C15orf62: variants seen among roughly 807,000 people sequenced by gnomAD.
The protein encoded by C15orf62 is uncharacterized protein C15orf62, mitochondrial.
Under a neutral mutation model 13.2 loss-of-function variants are expected in C15orf62, and 11 were observed. The ratio of observed to expected loss-of-function variants is 0.83; its 90% CI spans 0.52 to 1.38. The LOEUF is 1.38. Among genes scored for constraint, C15orf62 ranks in the 40% most tolerant of loss-of-function variants. The pLI, the probability that C15orf62 is intolerant of heterozygous loss-of-function variation, is 0.00. For missense variants in C15orf62, 204 were observed against 229.1 expected (o/e 0.89, Z 0.71); for synonymous variants, 88 against 95.6 (o/e 0.92, Z 0.46).
At position 40,772,416 on chromosome 15, in the gene C15orf62, G is replaced by A. The variant is rs1482808672; in HGVS notation, c.*1393G>A. 4 of 167,164 alleles carry A rather than the reference G, an allele frequency of 2.4e-5. No homozygotes were observed. The highest frequency in any genetic ancestry group is 2.9e-5 in the Non-Finnish European group (2 of 68,146). The allele number at this position is 167,164 out of a possible 1,614,324, so 10.4% of individuals were successfully genotyped here. A position where few individuals can be genotyped will look rare whatever the true frequency, so the allele number is the denominator to read the frequency against. Reference sequence around the variant, plus strand: ...TCTTGTGTATAGGTACCGAGCTGTGGATACAGGAGAGAATGAATAAAATTC... The same window carrying A: ...TCTTGTGTATAGGTACCGAGCTGTGAATACAGGAGAGAATGAATAAAATTC... On this transcript the variant is annotated 3_prime_UTR_variant, in exon 1 of 1. Coordinates refer to ENST00000344320, the MANE Select transcript of C15orf62 (RefSeq NM_001130448.3).
In C15orf62 at chr15:40,771,119, G is replaced by A; in HGVS notation, c.*96G>A. On this transcript the variant is annotated 3_prime_UTR_variant, in exon 1 of 1. Transcript: ENST00000344320. ...ACAGGACTCCAGGCCCATCGCTGGA[G>A]GGTTCAGGCAGGCAGAGCTTCTTCA... is the stretch of plus-strand genomic sequence containing the variant. The A allele has an allele frequency of 2.5e-6, 3 of 1,190,568 alleles. No individual in the cohort carries two copies. Among genetic ancestry groups the A allele is most frequent in the Non-Finnish European group, 1.2e-6 (1 of 849,828 alleles). 73.8% of individuals were successfully genotyped at this position (1,190,568 alleles called of 1,614,324 possible). A position where few individuals can be genotyped will look rare whatever the true frequency, so the allele number is the denominator to read the frequency against.
rs1040790429 is a variant in C15orf62, at chr15:40,772,087, G to C, written c.*1064G>C. Reference sequence around the variant, plus strand: ...GAGAGGAGAACTGGATCCAGGGATGGGCATTCAACAGCGAAGCGGCACAGC... The same window carrying C: ...GAGAGGAGAACTGGATCCAGGGATGCGCATTCAACAGCGAAGCGGCACAGC... On this transcript the variant is annotated 3_prime_UTR_variant, in exon 1 of 1. Transcript: ENST00000344320. 1 of 167,040 alleles carries C rather than the reference G, an allele frequency of 6.0e-6. No homozygotes were observed. The highest frequency in any genetic ancestry group is 6.5e-5 in the Admixed American group (1 of 15,284). 10.3% of individuals were successfully genotyped at this position (167,040 alleles called of 1,614,324 possible).
In C15orf62 at chr15:40,770,633, C is replaced by T; in HGVS notation, c.138C>T (p.Tyr46=). ...ASTAGGDHEE[Y]SNREVIRELQ... The stretch of plus-strand genomic sequence containing the variant: ...CAGCAGGTGGGGACCACGAGGAGTA[C>T]AGCAACCGAGAAGTCATCCGGGAGC... The change falls in exon 1 of 1, where the codon TAC becomes TAT. Residue 46 remains tyrosine, a synonymous_variant. Coordinates refer to ENST00000344320, the MANE Select transcript of C15orf62 (RefSeq NM_001130448.3). The surrounding 1 kb of genome is among the most constrained non-coding windows in gnomAD (Gnocchi z 5.0). 1.9e-6 allele frequency: 3 copies of T among 1,550,466 alleles called. No individual in the cohort carries two copies. Among genetic ancestry groups the T allele is most frequent in the Non-Finnish European group, 2.6e-6 (3 of 1,146,974 alleles).
At position 40,772,034 on chromosome 15, in the gene C15orf62, G is replaced by T. The variant is rs1036568637; in HGVS notation, c.*1011G>T. 1 of 167,058 alleles carries T rather than the reference G, an allele frequency of 6.0e-6. No homozygotes were observed. The highest frequency in any genetic ancestry group is 1.5e-5 in the Non-Finnish European group (1 of 68,128). 10.3% of individuals were successfully genotyped at this position (167,058 alleles called of 1,614,324 possible). On this transcript the variant is annotated 3_prime_UTR_variant, in exon 1 of 1. Coordinates refer to ENST00000344320, the MANE Select transcript of C15orf62 (RefSeq NM_001130448.3). ...GGAATTCCCAGAATTACTAGTGATG[G>T]GAGCCCTGGCAGGTTTCCTTCCTCG...
At position 40,770,504 on chromosome 15, in the gene C15orf62, C is replaced by G; in HGVS notation, c.9C>G (p.Thr3=). The G allele has an allele frequency of 2.6e-6, 4 of 1,549,396 alleles. No individual in the cohort carries two copies. Among genetic ancestry groups the G allele is most frequent in the Non-Finnish European group, 3.5e-6 (4 of 1,146,490 alleles). Reference sequence around the variant, plus strand: ...TGGCTCCCCTGGGCCCCATGGAGACCTGGCGGAAAGGCTCCTTCCGCAACG... The same window carrying G: ...TGGCTCCCCTGGGCCCCATGGAGACGTGGCGGAAAGGCTCCTTCCGCAACG... ME[T]WRKGSFRNAS... Residue 3 remains threonine (T), a synonymous_variant, in exon 1 of 1, where the codon ACC becomes ACG. Coordinates refer to ENST00000344320, the MANE Select transcript of C15orf62 (RefSeq NM_001130448.3). The surrounding 1 kb of genome is among the most constrained non-coding windows in gnomAD (Gnocchi z 5.0).
rs970570690 is a variant in C15orf62 at position 40,772,153 on chromosome 15, G to A, written c.*1130G>A. 8 of 167,070 alleles carry A rather than the reference G, an allele frequency of 4.8e-5. No individual in the cohort carries two copies. Among genetic ancestry groups the A allele is most frequent in the Admixed American group, 2.6e-4 (4 of 15,300 alleles). 10.3% of individuals were successfully genotyped at this position (167,070 alleles called of 1,614,324 possible). Reference sequence around the variant, plus strand: ...TCTCCCGGGATTAGACAGTTCTGCCGCCTGAACCCTCCGACGATGGGCCTG... The same window carrying A: ...TCTCCCGGGATTAGACAGTTCTGCCACCTGAACCCTCCGACGATGGGCCTG... On this transcript the variant is annotated 3_prime_UTR_variant, in exon 1 of 1. Coordinates refer to ENST00000344320, the MANE Select transcript of C15orf62 (RefSeq NM_001130448.3).
At position 40,770,563 on chromosome 15, in the gene C15orf62, C is replaced by A. The variant is rs1889101045; in HGVS notation, c.68C>A (p.Pro23Gln). The A allele has an allele frequency of 6.4e-7, 1 of 1,550,584 alleles. No individual in the cohort carries two copies. The highest frequency in any genetic ancestry group is 1.4e-5 in the African/African-American group (1 of 73,058). The part of the protein sequence containing the change: ...SFFKQLSLGR[P>Q]RRLRRQSSVL... ...TTCAAGCAGCTGAGCCTGGGGCGGC[C>A]ACGGCGGCTCCGGCGACAGAGTAGT... is the stretch of plus-strand genomic sequence containing the variant. The change falls in exon 1 of 1, where the codon CCA becomes CAA. Residue 23 changes from proline (P) to glutamine (Q), a missense_variant. Coordinates refer to ENST00000344320, the MANE Select transcript of C15orf62 (RefSeq NM_001130448.3). This position sits in a 1 kb window ranked among gnomAD's most constrained non-coding sequence, Gnocchi z 5.0.
At position 40,770,515 on chromosome 15, in the gene C15orf62, G is replaced by A. The variant is rs1889098628; in HGVS notation, c.20G>A (p.Gly7Asp). The A allele has an allele frequency of 1.3e-6, 2 of 1,549,982 alleles. No individual in the cohort carries two copies. The highest frequency in any genetic ancestry group is 1.4e-5 in the African/African-American group (1 of 73,024). METWRK[G>D]SFRNASFFKQ... The stretch of plus-strand genomic sequence containing the variant: ...GGCCCCATGGAGACCTGGCGGAAAG[G>A]CTCCTTCCGCAACGCCTCCTTCTTC... Residue 7 changes from glycine (G) to aspartate (D), a missense_variant, in exon 1 of 1, where the codon GGC becomes GAC. By Grantham distance (94) the Gly-to-Asp change is moderately conservative. Coordinates refer to ENST00000344320, the MANE Select transcript of C15orf62 (RefSeq NM_001130448.3). This position sits in a 1 kb window ranked among gnomAD's most constrained non-coding sequence, Gnocchi z 5.0.
Position 40,771,254 on chromosome 15 carries a change from T to TG in C15orf62, c.*231_*232insG. The TG allele has an allele frequency of 1.8e-6, 1 of 566,618 alleles. No homozygotes were observed. The highest frequency in any genetic ancestry group is 3.2e-6 in the Non-Finnish European group (1 of 311,360). 35.1% of individuals were successfully genotyped at this position (566,618 alleles called of 1,614,324 possible). A position where few individuals can be genotyped will look rare whatever the true frequency, so the allele number is the denominator to read the frequency against. ...GAGGGACAGAGGCAATCTGGAAATG[T>TG]TGGGGGGGCGGCCCTTCCTGGCAGG... On this transcript the variant is annotated 3_prime_UTR_variant, in exon 1 of 1. Transcript: ENST00000344320.
Position 40,770,212 on chromosome 15 carries a change from G to T in C15orf62, c.-284G>T, listed in dbSNP as rs1889089238. The T allele has an allele frequency of 2.7e-6, 1 of 370,372 alleles. No homozygotes were observed. Among genetic ancestry groups the T allele is most frequent in the African/African-American group, 2.1e-5 (1 of 47,916 alleles). The allele number at this position is 370,372 out of a possible 1,614,324, so 22.9% of individuals were successfully genotyped here. On this transcript the variant is annotated 5_prime_UTR_variant, in exon 1 of 1. Transcript: ENST00000344320. This position sits in a 1 kb window ranked among gnomAD's most constrained non-coding sequence, Gnocchi z 5.0. Reference sequence around the variant, plus strand: ...AGTAAGTGCTGCTTCTTCCTCCTGGGTTTTTTTCCACTACCCTATTCAGTA... The same window carrying T: ...AGTAAGTGCTGCTTCTTCCTCCTGGTTTTTTTTCCACTACCCTATTCAGTA...
Position 40,770,701 on chromosome 15 carries a change from A to G in C15orf62, c.206A>G (p.Asp69Gly), listed in dbSNP as rs1247105202. The G allele has an allele frequency of 6.5e-7, 1 of 1,547,274 alleles. No individual in the cohort carries two copies. The change falls in exon 1 of 1, where the codon GAC becomes GGC. Residue 69 changes from aspartate to glycine, a missense_variant. Coordinates refer to ENST00000344320, the MANE Select transcript of C15orf62 (RefSeq NM_001130448.3). This position sits in a 1 kb window ranked among gnomAD's most constrained non-coding sequence, Gnocchi z 5.0. ...PDGRRLPLWGDEQPRATLLAP... is the reference protein window; with the variant it reads ...PDGRRLPLWGGEQPRATLLAP... ...GGCCGGCGCCTGCCACTGTGGGGGG[A>G]CGAGCAGCCCCGGGCCACCCTGCTG...
Position 40,771,233 on chromosome 15 carries a change from GA to G in C15orf62, c.*211del. 1.7e-6 allele frequency: 1 copy of G among 595,236 alleles called. No homozygotes were observed. The highest frequency in any genetic ancestry group is 3.0e-6 in the Non-Finnish European group (1 of 329,558). 36.9% of individuals were successfully genotyped at this position (595,236 alleles called of 1,614,324 possible). A position where few individuals can be genotyped will look rare whatever the true frequency, so the allele number is the denominator to read the frequency against. The stretch of plus-strand genomic sequence containing the variant: ...CCTTCCAGGCACCCCAGAGTGGAGG[GA>G]CAGAGGCAATCTGGAAATGTTGGGG... On this transcript the variant is annotated 3_prime_UTR_variant, in exon 1 of 1. Transcript: ENST00000344320.
rs1339363639 is a variant in C15orf62 at position 40,771,174 on chromosome 15, C to T, written c.*151C>T. The T allele has an allele frequency of 5.3e-6, 4 of 748,380 alleles. No individual in the cohort carries two copies. In the African/African-American group the frequency reaches 7.1e-5, roughly 13 times the overall value. The allele number at this position is 748,380 out of a possible 1,614,324, so 46.4% of individuals were successfully genotyped here. A position where few individuals can be genotyped will look rare whatever the true frequency, so the allele number is the denominator to read the frequency against. On this transcript the variant is annotated 3_prime_UTR_variant, in exon 1 of 1. Coordinates refer to ENST00000344320, the MANE Select transcript of C15orf62 (RefSeq NM_001130448.3). ...GGGGGAGGATTCCAGGATAGGAATC[C>T]AGGGCTCTGCCTGCTCTCTGGGTCC... is the stretch of plus-strand genomic sequence containing the variant.
In C15orf62 at chr15:40,770,833, C is replaced by G. The variant is rs1004542929; in HGVS notation, c.338C>G (p.Ala113Gly). Residue 113 changes from alanine (A) to glycine (G), a missense_variant, in exon 1 of 1, where the codon GCG becomes GGG. By Grantham distance (60) the Ala-to-Gly change is moderately conservative. Transcript: ENST00000344320. The surrounding 1 kb of genome is among the most constrained non-coding windows in gnomAD (Gnocchi z 5.0). ...TAAYSATLPS[A>G]LSLSSALHQH... ...GCCTACTCTGCCACCCTGCCATCGG[C>G]GCTCTCTCTGTCGAGTGCCCTCCAC... is the stretch of plus-strand genomic sequence containing the variant. The G allele has an allele frequency of 5.8e-6, 9 of 1,551,320 alleles. No individual in the cohort carries two copies. Among genetic ancestry groups the G allele is most frequent in the Admixed American group, 2.0e-5 (1 of 51,012 alleles).
chr15:40,770,754 C>G lies in C15orf62; in HGVS notation c.259C>G (p.Arg87Gly), dbSNP rs1055120023. 6.5e-7 allele frequency: 1 copy of G among 1,545,700 alleles called. No homozygotes were observed. The highest frequency in any genetic ancestry group is 8.7e-7 in the Non-Finnish European group (1 of 1,146,956). ...CCCACCCAAGCCCCCACGCCTCTACCGAGAGAGCTCAAGCTGCCCCAACAT... is the reference window on the plus strand; with the variant it reads ...CCCACCCAAGCCCCCACGCCTCTACGGAGAGAGCTCAAGCTGCCCCAACAT... ...LAPPKPPRLY[R>G]ESSSCPNILE... Residue 87 changes from arginine (R) to glycine (G), a missense_variant, in exon 1 of 1, where the codon CGA becomes GGA. Coordinates refer to ENST00000344320, the MANE Select transcript of C15orf62 (RefSeq NM_001130448.3). This position sits in a 1 kb window ranked among gnomAD's most constrained non-coding sequence, Gnocchi z 5.0.
rs1889144293 is a variant in C15orf62, at chr15:40,771,658, C to G, written c.*635C>G. 1 of 170,066 alleles carries G rather than the reference C, an allele frequency of 5.9e-6. No homozygotes were observed. Among genetic ancestry groups the G allele is most frequent in the African/African-American group, 2.4e-5 (1 of 41,484 alleles). The allele number at this position is 170,066 out of a possible 1,614,324, so 10.5% of individuals were successfully genotyped here. A position where few individuals can be genotyped will look rare whatever the true frequency, so the allele number is the denominator to read the frequency against. ...TCAGTTCCTCAGCTGCACCGTTATT[C>G]CAGATTCCACATTCCAAATGCCCGG... On this transcript the variant is annotated 3_prime_UTR_variant, in exon 1 of 1. Transcript: ENST00000344320.
Position 40,770,490 on chromosome 15 carries a change from G to T in C15orf62, c.-6G>T. The T allele has an allele frequency of 6.5e-7, 1 of 1,546,730 alleles. No homozygotes were observed. The highest frequency in any genetic ancestry group is 8.7e-7 in the Non-Finnish European group (1 of 1,145,236). ...GAACACCTGTCTGCTGGCTCCCCTG[G>T]GCCCCATGGAGACCTGGCGGAAAGG... On this transcript the variant is annotated 5_prime_UTR_variant, in exon 1 of 1. Transcript: ENST00000344320. The surrounding 1 kb of genome is among the most constrained non-coding windows in gnomAD (Gnocchi z 5.0).
At position 40,771,304 on chromosome 15, in the gene C15orf62, G is replaced by A. The variant is rs536256395; in HGVS notation, c.*281G>A. ...GACCCTGAAGAAAGCTGGCTATGCC[G>A]GGAAAGGGAGGCTGTGCCGGGAAAG... On this transcript the variant is annotated 3_prime_UTR_variant, in exon 1 of 1. Transcript: ENST00000344320. 6.2e-5 allele frequency: 28 copies of A among 453,112 alleles called. No individual in the cohort carries two copies. The East Asian group carries it at 9.1e-4, about 15-fold the overall frequency. The allele number at this position is 453,112 out of a possible 1,614,324, so 28.1% of individuals were successfully genotyped here.
Position 40,771,630 on chromosome 15 carries a change from A to G in C15orf62, c.*607A>G. On this transcript the variant is annotated 3_prime_UTR_variant, in exon 1 of 1. Coordinates refer to ENST00000344320, the MANE Select transcript of C15orf62 (RefSeq NM_001130448.3). The stretch of plus-strand genomic sequence containing the variant: ...CTGAATTGAAATAAATAAAATTAAC[A>G]GTTCAGTTCCTCAGCTGCACCGTTA... 5.9e-6 allele frequency: 1 copy of G among 170,754 alleles called. No homozygotes were observed. 10.6% of individuals were successfully genotyped at this position (170,754 alleles called of 1,614,324 possible). A position where few individuals can be genotyped will look rare whatever the true frequency, so the allele number is the denominator to read the frequency against.
Sources: allele counts gnomAD v4.1 joint callset, GRCh38; gene constraint gnomAD v4.1.1; non-coding constraint Gnocchi (gnomAD v3.1); transcripts MANE v1.5; gene names NCBI Gene and HGNC (gene_info 2026-07-23, HGNC 2026-07-21).